ERN2: variants seen among roughly 807,000 people sequenced by gnomAD.
The protein encoded by ERN2 is serine/threonine-protein kinase/endoribonuclease IRE2.
A neutral mutation model predicts 107.9 loss-of-function variants in ERN2; 111 were observed. That is an observed-to-expected ratio of 1.03 (90% confidence interval 0.88 to 1.20). The LOEUF is 1.20. Ranked by LOEUF, ERN2 falls within the 50% of genes most tolerant of loss-of-function variation. The pLI is 0.00. For synonymous variants in ERN2, 524 were observed against 501.7 expected (o/e 1.04, Z -0.59); for missense variants, 1,225 against 1,197.9 (o/e 1.02, Z -0.33).
rs1451679410 is a variant in ERN2, at chr16:23,691,195, A to G, written c.2502T>C (p.Asp834=). ...HEHISMPLQT[D]LRKFRSYKGT... Reference sequence around the variant, plus strand: ...CCTTATAGGACCGGAACTTTCTCAGATCTGTGGACAGGGAATTCAGTGGCA... The same window carrying G: ...CCTTATAGGACCGGAACTTTCTCAGGTCTGTGGACAGGGAATTCAGTGGCA... The change falls in exon 21 of 22, where the codon GAT becomes GAC. Residue 834 remains aspartate (D), a splice_region_variant and synonymous_variant. Coordinates refer to ENST00000256797, the MANE Select transcript of ERN2 (RefSeq NM_033266.4). 1.9e-5 allele frequency: 31 copies of G among 1,613,884 alleles called. No individual in the cohort carries two copies. Among genetic ancestry groups the G allele is most frequent in the Non-Finnish European group, 2.6e-5 (31 of 1,179,956 alleles).
In ERN2 at chr16:23,691,329, C is replaced by T. The variant is rs771749867; in HGVS notation, c.2473G>A (p.Glu825Lys). ...GCAVVRDNWH[E>K]HISMPLQTDL... ...GTCTGCAGCGGCATGGAGATGTGCT[C>T]GTGCCAGTTGTCCCGGACCACTGCG... The change falls in exon 20 of 22, where the codon GAG becomes AAG. Residue 825 changes from glutamate (E) to lysine (K), a missense_variant. Glu to Lys is a moderately conservative substitution (Grantham distance 56). Coordinates refer to ENST00000256797, the MANE Select transcript of ERN2 (RefSeq NM_033266.4). 25 of 1,608,846 alleles carry T rather than the reference C, an allele frequency of 1.6e-5. No individual in the cohort carries two copies. In the East Asian group the frequency reaches 1.8e-4, roughly 11 times the overall value.
Position 23,695,219 on chromosome 16 carries a change from C to T in ERN2, c.1781G>A (p.Cys594Tyr). 6.2e-6 allele frequency: 10 copies of T among 1,614,096 alleles called. No homozygotes were observed. The highest frequency in any genetic ancestry group is 8.5e-6 in the Non-Finnish European group (10 of 1,179,998). Residue 594 changes from cysteine (C) to tyrosine (Y), a missense_variant, in exon 15 of 22, where the codon TGC becomes TAC. Cys to Tyr is a radical substitution (Grantham distance 194, BLOSUM62 -2). Transcript: ENST00000256797. ...ACTCACCTCCTGCAAGGAGGCCCGG[C>T]AGAGCTCCAGGGCAATGTAGTGGAA... The part of the protein sequence containing the change: ...PQFHYIALEL[C>Y]RASLQEYVEN...
At chr16:23,703,765 C>T (rs1017200237) in intron 8 of ERN2, among the ~76,000 whole-genome samples, 1 of 152,160 alleles carries the variant, frequency 6.6e-6, no homozygotes, top group Non-Finnish European at 1.5e-5. Context: ...TCTATGCTCT[C>T]TCATCTCTCT....
chr16:23,706,953 G>T, intron 5 of ERN2, 54 bp downstream of exon 5: 1 of 1,586,616 alleles, frequency 6.3e-7, no homozygotes, highest in Non-Finnish European at 8.7e-7. Flanking sequence ...TCACGACTTA[G>T]ATCCCTGCCT....
intron 4 of ERN2, 85 bp from the exon 5 acceptor site, chr16:23,707,164 C>A: frequency 1.1e-6 from 1 of 922,788 alleles, no homozygotes; most frequent in Non-Finnish European, 1.8e-6. Context: ...TCCATAGCAA[C>A]CAATTAACAG....
rs543376966 is a variant in ERN2, at chr16:23,707,106, G to A, written c.307-27C>T. 19 of 1,559,930 alleles carry A rather than the reference G, an allele frequency of 1.2e-5. No homozygotes were observed. In the African/African-American group the frequency reaches 1.9e-4, roughly 16 times the overall value. Reference sequence around the variant, plus strand: ...TAGGAGACGGAAAATTTACAGGAAGGAGTAAGAGCAGCAACACACAGTGCT... The same window carrying A: ...TAGGAGACGGAAAATTTACAGGAAGAAGTAAGAGCAGCAACACACAGTGCT... On this transcript the variant is annotated intron_variant, in intron 4 of 21. Coordinates refer to ENST00000256797, the MANE Select transcript of ERN2 (RefSeq NM_033266.4).
chr16:23,691,296 C>G lies in ERN2; in HGVS notation c.2500+6G>C. ...CCGCCCAGGCCCACCTGAGTATGGC[C>G]TCTACCTGTCTGCAGCGGCATGGAG... On this transcript the variant is annotated splice_donor_region_variant and intron_variant, in intron 20 of 21. Coordinates refer to ENST00000256797, the MANE Select transcript of ERN2 (RefSeq NM_033266.4). The G allele has an allele frequency of 6.2e-7, 1 of 1,611,548 alleles. No individual in the cohort carries two copies. The highest frequency in any genetic ancestry group is 8.5e-7 in the Non-Finnish European group (1 of 1,179,608).
chr16:23,693,137 T>C (rs1959667312), intron 17 of ERN2, among the ~76,000 whole-genome samples: 1 of 151,524 alleles, frequency 6.6e-6, no homozygotes, highest in African/African-American at 2.4e-5. Flanking sequence ...TACAAAAAAA[T>C]ACAAAAATTA....
rs747676964 is a variant in ERN2 at position 23,690,967 on chromosome 16, A to AAGT, written c.2642_2644dup (p.Tyr881dup). The AAGT allele has an allele frequency of 6.2e-6, 10 of 1,613,978 alleles. No individual in the cohort carries two copies. In the African/African-American group the frequency reaches 1.2e-4, roughly 19 times the overall value. The stretch of plus-strand genomic sequence containing the variant: ...GAGCAGCCGTGGGAAGCGGTTTGTG[A>AAGT]AGTACTGGACGAAGCCATCAGGGAC... On this transcript the variant is annotated inframe_insertion, in exon 22 of 22. Coordinates refer to ENST00000256797, the MANE Select transcript of ERN2 (RefSeq NM_033266.4).
In ERN2 at chr16:23,700,362, C is replaced by G. The variant is rs377617432; in HGVS notation, c.1525+177G>C. ...CAAAAAAATAATGATGAAAAAATGA[C>G]AGCAGACACTCCTAGAGTGCTCAAT... On this transcript the variant is annotated intron_variant, in intron 13 of 21. Coordinates refer to ENST00000256797, the MANE Select transcript of ERN2 (RefSeq NM_033266.4). 9.9e-4 allele frequency among the ~76,000 whole-genome samples: 151 copies of G among 152,262 alleles called. 1 individual carries two copies. Among genetic ancestry groups the G allele is most frequent in the South Asian group, 6.0e-3 (29 of 4,818 alleles).
rs35208992 is a variant in ERN2, at chr16:23,691,520, C to T, written c.2377-95G>A. ...TACAGGAGTAGTTTAGGGTGACTGA[C>T]AAGGATCATTGCCTCTGGGGGCGTG... On this transcript the variant is annotated intron_variant, in intron 19 of 21. Transcript: ENST00000256797. 35 of 1,427,954 alleles carry T rather than the reference C, an allele frequency of 2.5e-5. No homozygotes were observed. In the East Asian group the frequency reaches 8.6e-4, roughly 35 times the overall value. 88.5% of individuals were successfully genotyped at this position (1,427,954 alleles called of 1,614,324 possible).
Position 23,695,380 on chromosome 16 carries a change from A to G in ERN2, c.1620T>C (p.Phe540=), listed in dbSNP as rs983176813. Reference sequence around the variant, plus strand: ...GCTTGACAGCCACTGCCCGTCCCTCAAACTGTCCCCTGGAAAGTGGGTGAT... The same window carrying G: ...GCTTGACAGCCACTGCCCGTCCCTCGAACTGTCCCCTGGAAAGTGGGTGAT... ...AGGTFVFRGQ[F]EGRAVAVKRL... Residue 540 remains phenylalanine, a synonymous_variant, in exon 15 of 22, where the codon TTT becomes TTC. Coordinates refer to ENST00000256797, the MANE Select transcript of ERN2 (RefSeq NM_033266.4). 1 of 1,594,080 alleles carries G rather than the reference A, an allele frequency of 6.3e-7. No individual in the cohort carries two copies. The highest frequency in any genetic ancestry group is 8.5e-7 in the Non-Finnish European group (1 of 1,170,202).
chr16:23,706,214 C>T, intron 7 of ERN2, 116 bp downstream of exon 7: 2 of 677,816 alleles, frequency 3.0e-6, no homozygotes, highest in Non-Finnish European at 5.0e-6. Context: ...TATATGGGGT[C>T]CCTGGGGAGG....
At chr16:23,707,317 C>G in intron 4 of ERN2, 1 of 528,404 alleles carries the variant, frequency 1.9e-6, no homozygotes, top group Non-Finnish European at 3.4e-6. Context: ...CACACTGAAT[C>G]ATTTTGCTAC....
intron 1 of ERN2, among the ~76,000 whole-genome samples, 174 bp from the exon 2 acceptor site, chr16:23,711,192 A>G (rs1171832532): frequency 5.9e-5 from 9 of 152,112 alleles, no homozygotes; most frequent in African/African-American, 1.9e-4. Flanking sequence ...ACCCTAGAGA[A>G]GGGTTATAGT....
chr16:23,700,389 A>G, intron 13 of ERN2, 150 bp downstream of exon 13: 1 of 732,166 alleles, frequency 1.4e-6, no homozygotes, highest in East Asian at 2.5e-5. Context: ...GTGCTCAATT[A>G]CGTAGCAGGC....
chr16:23,702,654 T>C lies in ERN2; in HGVS notation c.903A>G (p.Lys301=), dbSNP rs374714754. Residue 301 remains lysine, a synonymous_variant, in exon 9 of 22, where the codon AAA becomes AAG. Transcript: ENST00000256797. ...GGGCCACTCCTGTGTGGACCAGTGC[T>C]TTAGAGACATAGAAGCCAGTTTCAT... The part of the protein sequence containing the change: ...GKDETGFYVS[K]ALVHTGVALV... 4.3e-6 allele frequency: 7 copies of C among 1,614,194 alleles called. No individual in the cohort carries two copies. The highest frequency in any genetic ancestry group is 5.1e-6 in the Non-Finnish European group (6 of 1,180,020).
intron 19 of ERN2, 142 bp from the exon 20 acceptor site, chr16:23,691,567 CTG>C (rs1230868132): frequency 9.9e-7 from 1 of 1,013,790 alleles, no homozygotes; most frequent in African/African-American, 1.6e-5. Context: ...TGCCACGCCT[CTG>C]TTATTTACCA....
At chr16:23,700,375 T>TA (rs1239313180) in intron 13 of ERN2, among the ~76,000 whole-genome samples, 164 bp downstream of exon 13, 1 of 152,188 alleles carries the variant, frequency 6.6e-6, no homozygotes, top group East Asian at 1.9e-4. Context: ...CAGACACTCC[T>TA]AGAGTGCTCA....
Sources: allele counts gnomAD v4.1 joint callset (sites outside exome capture counted in the v4.1 genomes callset), GRCh38; gene constraint gnomAD v4.1.1; transcripts MANE v1.5; gene names NCBI Gene and HGNC (gene_info 2026-07-23, HGNC 2026-07-21).